Variants in MACROD2 observed in about 807,000 individuals in gnomAD.
The protein encoded by MACROD2 is ADP-ribose glycohydrolase MACROD2.
MACROD2 carries 36 observed loss-of-function variants against 70.4 expected under a neutral mutation model. The ratio of observed to expected loss-of-function variants is 0.51; its 90% CI spans 0.39 to 0.68. The LOEUF (loss-of-function observed/expected upper bound fraction) is 0.68. Among genes scored for constraint, MACROD2 ranks in the 30% least tolerant of loss-of-function variants. MACROD2 has a pLI of 0.00. For synonymous variants in MACROD2, 172 were observed against 178.8 expected, an observed-to-expected ratio of 0.96 and a Z score of 0.30; for missense variants, 496 against 538.4, an observed-to-expected ratio of 0.92 and a Z score of 0.78.
chr20:15,323,811 A>C (rs1351264859), intron 6 of MACROD2, among the ~76,000 whole-genome samples: 1 of 152,056 alleles, frequency 6.6e-6, no homozygotes, highest in Non-Finnish European at 1.5e-5. Flanking sequence ...TTGTATCCCC[A>C]GTGTCTAATG....
intron 3 of MACROD2, among the ~76,000 whole-genome samples, chr20:14,387,578 G>A (rs1394211800): frequency 2.0e-5 from 3 of 152,232 alleles, no homozygotes; most frequent in African/African-American, 7.2e-5. Context: ...CTTCTGTGCC[G>A]GTTTCTCAAT....
intron 8 of MACROD2, among the ~76,000 whole-genome samples, chr20:15,710,684 C>A (rs1405537234): frequency 6.6e-6 from 1 of 152,166 alleles, no homozygotes; most frequent in Non-Finnish European, 1.5e-5. Flanking sequence ...ACACACAAAA[C>A]ATTTTTTTTG....
intron 3 of MACROD2, among the ~76,000 whole-genome samples, chr20:14,275,764 T>G (rs1367635167): frequency 6.6e-6 from 1 of 151,846 alleles, no homozygotes; most frequent in Non-Finnish European, 1.5e-5. Flanking sequence ...GAATCTACAA[T>G]GAACTCAAAC....
intron 3 of MACROD2, among the ~76,000 whole-genome samples, chr20:14,286,229 C>G (rs1437151641): frequency 6.6e-6 from 1 of 152,086 alleles, no homozygotes; most frequent in East Asian, 1.9e-4. Context: ...GCAATTAATG[C>G]CACCAAACTT....
chr20:14,212,204 G>C (rs1052336330), intron 3 of MACROD2, among the ~76,000 whole-genome samples: 3 of 151,998 alleles, frequency 2.0e-5, no homozygotes, highest in Non-Finnish European at 2.9e-5. Flanking sequence ...TTAATGTTCA[G>C]TTAAACACAG....
chr20:15,149,928 TA>T (rs1315074485), intron 5 of MACROD2, among the ~76,000 whole-genome samples: 1 of 152,032 alleles, frequency 6.6e-6, no homozygotes, highest in Non-Finnish European at 1.5e-5. Flanking sequence ...ATTTAGGATC[TA>T]TGGGGTCAGC....
chr20:14,176,389 G>C lies in MACROD2; in HGVS notation c.271+90661G>C, dbSNP rs564722504. 1.1e-4 allele frequency among the ~76,000 whole-genome samples: 17 copies of C among 152,296 alleles called. No individual in the cohort carries two copies. The South Asian group carries it at 3.5e-3, about 32-fold the overall frequency. ...AATGTGTTTGTGCAGTTAAGGTGGT[G>C]ACCTCTCATGATAACTTCTACAGAT... On this transcript the variant is annotated intron_variant, in intron 3 of 17. Coordinates refer to ENST00000684519, the MANE Select transcript of MACROD2 (RefSeq NM_001351661.2).
At chr20:15,439,587 C>T (rs1431604981) in intron 7 of MACROD2, among the ~76,000 whole-genome samples, 1 of 152,146 alleles carries the variant, frequency 6.6e-6, no homozygotes, top group African/African-American at 2.4e-5. Flanking sequence ...TGCAGTGAAA[C>T]CACCTTAGCC....
chr20:14,547,553 C>A (rs150883883), intron 4 of MACROD2: 1,597 of 155,264 alleles, frequency 0.01, 29 homozygotes, highest in African/African-American at 0.036. Flanking sequence ...GGCTCCTGAT[C>A]TGGCTGTCTC....
chr20:14,586,985 T>C (rs531273880), intron 4 of MACROD2, among the ~76,000 whole-genome samples: 13 of 151,934 alleles, frequency 8.6e-5, no homozygotes, highest in Non-Finnish European at 1.9e-4. Flanking sequence ...AGTTTCAAAA[T>C]GTATTATTTT....
At chr20:14,298,901 G>T (rs892758808) in intron 3 of MACROD2, among the ~76,000 whole-genome samples, 1 of 152,168 alleles carries the variant, frequency 6.6e-6, no homozygotes, top group African/African-American at 2.4e-5. Flanking sequence ...ATGATAAAAC[G>T]TACATGGATG....
chr20:15,908,261 A>T (rs2065179560), intron 10 of MACROD2, among the ~76,000 whole-genome samples: 1 of 152,162 alleles, frequency 6.6e-6, no homozygotes. Flanking sequence ...AAAGACATTT[A>T]TTCTCTTTGA....
chr20:15,367,155 G>A (rs1298364756), intron 6 of MACROD2, among the ~76,000 whole-genome samples: 1 of 151,570 alleles, frequency 6.6e-6, no homozygotes, highest in Non-Finnish European at 1.5e-5. Flanking sequence ...AGCCTCCTGG[G>A]TAGCTGGGAC....
At chr20:14,617,517 C>T (rs1301640510) in intron 4 of MACROD2, among the ~76,000 whole-genome samples, 2 of 152,042 alleles carry the variant, frequency 1.3e-5, no homozygotes, top group Non-Finnish European at 2.9e-5. Flanking sequence ...TAAATGTGTG[C>T]CACTCTCCTC....
At chr20:14,014,646 A>G (rs200670041) in intron 2 of MACROD2, among the ~76,000 whole-genome samples, 4 of 150,654 alleles carry the variant, frequency 2.7e-5, no homozygotes, top group Non-Finnish European at 5.9e-5. Context: ...TTCACTTGCC[A>G]TTTTTTCCTC....
chr20:15,610,994 T>TTC (rs2048960871), intron 8 of MACROD2, among the ~76,000 whole-genome samples: 1 of 128,784 alleles, frequency 7.8e-6, no homozygotes, highest in African/African-American at 3.5e-5. Flanking sequence ...CAAAAATCTT[T>TTC]TTTTTTTTTT....
intron 3 of MACROD2, among the ~76,000 whole-genome samples, chr20:14,112,193 G>T (rs538314044): frequency 1.3e-5 from 2 of 151,852 alleles, no homozygotes; most frequent in East Asian, 1.9e-4. Context: ...GAGAGTAGAA[G>T]GATGGCTACT....
intron 5 of MACROD2, among the ~76,000 whole-genome samples, chr20:14,882,130 A>G (rs2073617514): frequency 1.3e-5 from 2 of 152,174 alleles, no homozygotes. Flanking sequence ...CCCTTATCCC[A>G]CAAATTTTGA....
intron 6 of MACROD2, among the ~76,000 whole-genome samples, chr20:15,416,902 C>CAA (rs140768856): frequency 0.18 from 26,160 of 146,530 alleles, 2,636 homozygotes; most frequent in Non-Finnish European, 0.24. Flanking sequence ...GACTCCGTCT[C>CAA]AAAAAAAAAA....
Sources: gnomAD v4.1 joint callset for allele counts (sites outside exome capture counted in the v4.1 genomes callset) on GRCh38, gnomAD v4.1.1 for gene constraint, MANE v1.5 for transcripts, NCBI Gene and HGNC (gene_info 2026-07-23, HGNC 2026-07-21) for gene names.